Variants in MARCHF1 observed in about 807,000 individuals in gnomAD.
MARCHF1 encodes the protein E3 ubiquitin-protein ligase MARCHF1.
A neutral mutation model predicts 54.2 loss-of-function variants in MARCHF1; 40 were observed. The observed-to-expected ratio is 0.74, with a 90% CI of 0.57 to 0.96. The LOEUF (loss-of-function observed/expected upper bound fraction) is 0.96, where lower values mean the gene tolerates loss of function less well. MARCHF1 is among the 40% of genes least tolerant of loss of function. The pLI, the probability that MARCHF1 is intolerant of heterozygous loss-of-function variation, is 0.00. For synonymous variants in MARCHF1, 236 were observed against 236.3 expected (o/e 1.00, Z 0.01); for missense variants, 586 against 656.5 (o/e 0.89, Z 1.17).
At chr4:163,861,879 T>C (rs1749944775) in intron 3 of MARCHF1, among the ~76,000 whole-genome samples, 1 of 151,912 alleles carries the variant, frequency 6.6e-6, no homozygotes, top group Non-Finnish European at 1.5e-5. Flanking sequence ...AAAGTAAATA[T>C]ATAAGACAAT....
At chr4:164,164,117 T>A (rs1730308973) in intron 1 of MARCHF1, among the ~76,000 whole-genome samples, 1 of 151,888 alleles carries the variant, frequency 6.6e-6, no homozygotes, top group Non-Finnish European at 1.5e-5. Flanking sequence ...TAAACATCTA[T>A]ATTAGGAAAA....
intron 4 of MARCHF1, among the ~76,000 whole-genome samples, chr4:163,739,290 T>C (rs1036878550): frequency 1.3e-5 from 2 of 152,142 alleles, no homozygotes; most frequent in African/African-American, 4.8e-5. Flanking sequence ...AATCAGACTA[T>C]CCCAGTGAAA....
chr4:163,595,313 C>T (rs187847810), intron 7 of MARCHF1, among the ~76,000 whole-genome samples: 88 of 150,928 alleles, frequency 5.8e-4, no homozygotes, highest in Non-Finnish European at 1.1e-3. Flanking sequence ...GTTTGAGACC[C>T]GCCTGGGTAA....
At chr4:163,633,440 G>A (rs953203773) in intron 5 of MARCHF1, among the ~76,000 whole-genome samples, 7 of 152,170 alleles carry the variant, frequency 4.6e-5, no homozygotes, top group Non-Finnish European at 8.8e-5. Flanking sequence ...TGAGAACTAC[G>A]TAAAGAATGC....
intron 4 of MARCHF1, among the ~76,000 whole-genome samples, chr4:163,795,894 ATATG>A (rs1235335902): frequency 6.6e-6 from 1 of 152,202 alleles, no homozygotes; most frequent in African/African-American, 2.4e-5. Flanking sequence ...TTTGCACATT[ATATG>A]TATTATATAT....
chr4:164,334,273 A>G (rs374785442), intron 1 of MARCHF1, among the ~76,000 whole-genome samples: 1 of 152,280 alleles, frequency 6.6e-6, no homozygotes, highest in East Asian at 1.9e-4. Context: ...ATAGATAGAG[A>G]GAGAAGTCAA....
chr4:163,640,785 GC>G (rs1742525551), intron 5 of MARCHF1, among the ~76,000 whole-genome samples: 1 of 152,000 alleles, frequency 6.6e-6, no homozygotes, highest in Non-Finnish European at 1.5e-5. Context: ...TAGCAAAATT[GC>G]ATTTAATTTT....
At position 164,318,842 on chromosome 4, in the gene MARCHF1, T is replaced by G. The variant is rs373672083; in HGVS notation, c.-323+65028A>C. Reference sequence around the variant, plus strand: ...AGTACTTGTTATAAAAAAATTGAATTTAATATGAGAATACTAATCTATATC... The same window carrying G: ...AGTACTTGTTATAAAAAAATTGAATGTAATATGAGAATACTAATCTATATC... On this transcript the variant is annotated intron_variant, in intron 1 of 9. Coordinates refer to ENST00000514618, the MANE Select transcript of MARCHF1 (RefSeq NM_001394959.1). Among the ~76,000 whole-genome samples the G allele has an allele frequency of 1.5e-4, 23 of 152,310 alleles. No homozygotes were observed. The East Asian group carries it at 3.9e-3, about 26-fold the overall frequency.
chr4:163,999,336 GC>G (rs756827170), intron 2 of MARCHF1, among the ~76,000 whole-genome samples: 2 of 151,492 alleles, frequency 1.3e-5, no homozygotes, highest in Non-Finnish European at 3.0e-5. Context: ...CATATTTGAA[GC>G]TTAAAGTTAC....
At chr4:164,331,428 C>A (rs1314724574) in intron 1 of MARCHF1, among the ~76,000 whole-genome samples, 2 of 152,286 alleles carry the variant, frequency 1.3e-5, no homozygotes, top group Non-Finnish European at 1.5e-5. Context: ...AATTGTACTT[C>A]TTTGATTCTA....
At chr4:164,208,247 T>C (rs963116269) in intron 1 of MARCHF1, among the ~76,000 whole-genome samples, 6 of 152,184 alleles carry the variant, frequency 3.9e-5, no homozygotes, top group African/African-American at 2.4e-5. Context: ...TCAGGTGAAA[T>C]GGAAAGGTAT....
chr4:164,080,206 T>C (rs1158640674), intron 2 of MARCHF1, among the ~76,000 whole-genome samples: 1 of 152,214 alleles, frequency 6.6e-6, no homozygotes, highest in Non-Finnish European at 1.5e-5. Flanking sequence ...ATTCCCAGCC[T>C]TTCAAGATCT....
chr4:164,199,495 T>G (rs1379097604), intron 1 of MARCHF1, among the ~76,000 whole-genome samples: 1 of 151,918 alleles, frequency 6.6e-6, no homozygotes, highest in Non-Finnish European at 1.5e-5. Flanking sequence ...ATACAAAAGT[T>G]AGCCAGCTGT....
chr4:163,714,387 G>T (rs975937367), intron 4 of MARCHF1, among the ~76,000 whole-genome samples: 3 of 152,150 alleles, frequency 2.0e-5, no homozygotes, highest in Non-Finnish European at 4.4e-5. Flanking sequence ...TAGAAATCCT[G>T]GCCACTCACT....
chr4:163,935,692 T>G (rs1352580534), intron 3 of MARCHF1, among the ~76,000 whole-genome samples: 1 of 111,400 alleles, frequency 9.0e-6, no homozygotes, highest in Non-Finnish European at 1.9e-5. Context: ...AAGGCTGTTT[T>G]GCTTGCTTTC....
chr4:164,126,764 A>C (rs551305613), intron 1 of MARCHF1, among the ~76,000 whole-genome samples: 9 of 152,166 alleles, frequency 5.9e-5, no homozygotes, highest in Non-Finnish European at 1.3e-4. Context: ...ACGAGATCTC[A>C]GAAGGAAATG....
chr4:163,561,854 A>T (rs1050238058), intron 8 of MARCHF1, among the ~76,000 whole-genome samples: 6 of 152,122 alleles, frequency 3.9e-5, no homozygotes, highest in African/African-American at 9.7e-5. Flanking sequence ...AAAAACATCT[A>T]TCTTTTGGTT....
At chr4:164,307,961 T>C (rs1450200872) in intron 1 of MARCHF1, among the ~76,000 whole-genome samples, 2 of 152,182 alleles carry the variant, frequency 1.3e-5, no homozygotes. Flanking sequence ...TCACATGATT[T>C]ACCCCTTGAG....
At chr4:163,661,754 C>T (rs963979363) in intron 5 of MARCHF1, among the ~76,000 whole-genome samples, 3 of 152,016 alleles carry the variant, frequency 2.0e-5, no homozygotes, top group African/African-American at 7.2e-5. Context: ...TTTTCTTGCC[C>T]ATGCAGTGTA....
Sources: allele counts gnomAD v4.1 joint callset (sites outside exome capture counted in the v4.1 genomes callset), GRCh38; gene constraint gnomAD v4.1.1; transcripts MANE v1.5; gene names NCBI Gene and HGNC (gene_info 2026-07-23, HGNC 2026-07-21).